Variants in DAB1 observed in about 807,000 individuals in gnomAD.
The protein encoded by DAB1 is DAB adaptor protein 1.
Under a neutral mutation model 64.6 loss-of-function variants are expected in DAB1, and 15 were observed. The observed-to-expected ratio is 0.23, with a 90% confidence interval of 0.16 to 0.36. DAB1 has a LOEUF of 0.36. DAB1 is among the 10% of genes least tolerant of loss of function. The probability of loss-of-function intolerance (pLI) is 1.00; values close to 1 mark genes in which losing one functional copy is unlikely to be tolerated. For synonymous variants in DAB1, 235 were observed against 251.9 expected, an observed-to-expected ratio of 0.93 and a Z score of 0.64; for missense variants, 596 against 706.7, an observed-to-expected ratio of 0.84 and a Z score of 1.78.
chr1:58,333,032 C>A (rs945871222), intron 4 of DAB1, among the ~76,000 whole-genome samples: 3 of 152,190 alleles, frequency 2.0e-5, no homozygotes, highest in African/African-American at 7.2e-5. Context: ...GCCTCAACCT[C>A]CCAAATAGCT....
intron 1 of DAB1, among the ~76,000 whole-genome samples, chr1:58,537,350 T>C (rs770170039): frequency 6.6e-5 from 10 of 152,186 alleles, no homozygotes; most frequent in Non-Finnish European, 1.3e-4. Flanking sequence ...AATTTGCCAG[T>C]GATTCCACAA....
At chr1:57,032,986 G>A (rs1172436941) in intron 9 of DAB1, among the ~76,000 whole-genome samples, 3 of 152,078 alleles carry the variant, frequency 2.0e-5, no homozygotes, top group Admixed American at 1.3e-4. Context: ...TAAGCTAGGC[G>A]AGGCTCTACT....
chr1:58,113,447 A>T (rs1000439267), intron 5 of DAB1, among the ~76,000 whole-genome samples: 2 of 152,158 alleles, frequency 1.3e-5, no homozygotes, highest in Non-Finnish European at 2.9e-5. Flanking sequence ...GATTCCTCCA[A>T]GTTCCAGCTT....
chr1:57,962,873 C>CA lies in DAB1; in HGVS notation n.388-78712dup, dbSNP rs1247473806. On this transcript the variant is annotated intron_variant and non_coding_transcript_variant, in intron 5 of 20. Transcript: ENST00000485760. ...CTGGCAACAGAGTGAGATCCTGTCT[C>CA]AAAAAAAAAACAAAACAAAAAAAAA... Among the ~76,000 whole-genome samples, 1,078 of 127,082 alleles carry CA rather than the reference C, an allele frequency of 8.5e-3. 11 individuals are homozygous for CA. The highest frequency in any genetic ancestry group is 0.025 in the African/African-American group (852 of 33,488). 83.4% of individuals were successfully genotyped at this position (127,082 alleles called of 152,430 possible).
rs758490074 is a variant in DAB1 at position 57,291,036 on chromosome 1, T to C, written c.-6A>G. On this transcript the variant is annotated 5_prime_UTR_variant, in exon 2 of 15. Coordinates refer to ENST00000371236, the MANE Select transcript of DAB1 (RefSeq NM_001365792.1). ...AGTTCTGTCTCAGTTGACATCCTAC[T>C]TAATCCTTAGTCCACTTCACACAGA... is the stretch of plus-strand genomic sequence containing the variant. The C allele has an allele frequency of 1.2e-6, 2 of 1,609,020 alleles. No individual in the cohort carries two copies. Among genetic ancestry groups the C allele is most frequent in the Non-Finnish European group, 1.7e-6 (2 of 1,177,218 alleles).
chr1:57,225,790 T>C (rs1313316118), intron 2 of DAB1, among the ~76,000 whole-genome samples: 1 of 152,216 alleles, frequency 6.6e-6, no homozygotes, highest in Non-Finnish European at 1.5e-5. Flanking sequence ...ATTTTAGACA[T>C]TACCATGGAG....
At chr1:57,661,007 T>A (rs891755864) in intron 6 of DAB1, among the ~76,000 whole-genome samples, 1 of 151,098 alleles carries the variant, frequency 6.6e-6, no homozygotes, top group East Asian at 1.9e-4. Context: ...AAAAGTAAGA[T>A]ACAAACGAAT....
At chr1:58,148,414 G>T (rs1393758429) in intron 5 of DAB1, among the ~76,000 whole-genome samples, 1 of 152,186 alleles carries the variant, frequency 6.6e-6, no homozygotes, top group Non-Finnish European at 1.5e-5. Flanking sequence ...TCTTTACTGT[G>T]ACCTGAAAGA....
At chr1:57,195,039 T>C (rs1311690744) in intron 2 of DAB1, among the ~76,000 whole-genome samples, 2 of 152,230 alleles carry the variant, frequency 1.3e-5, no homozygotes, top group East Asian at 3.8e-4. Context: ...GATTAATGAA[T>C]GGAAAATGAG....
intron 1 of DAB1, among the ~76,000 whole-genome samples, chr1:57,314,252 T>C (rs1674992427): frequency 6.6e-6 from 1 of 152,218 alleles, no homozygotes; most frequent in Non-Finnish European, 1.5e-5. Flanking sequence ...AGGAAACATT[T>C]TCCCACCAAG....
At chr1:57,717,045 G>A (rs1055565299) in intron 6 of DAB1, among the ~76,000 whole-genome samples, 1 of 151,780 alleles carries the variant, frequency 6.6e-6, no homozygotes, top group South Asian at 2.1e-4. Flanking sequence ...TCAAGACCAG[G>A]CTGGTCAACA....
At chr1:58,110,833 T>C (rs990411165) in intron 5 of DAB1, among the ~76,000 whole-genome samples, 2 of 152,208 alleles carry the variant, frequency 1.3e-5, no homozygotes, top group African/African-American at 4.8e-5. Context: ...TATAGCCCAT[T>C]ATTATTTAGG....
chr1:57,474,146 C>T (rs1043555772), intron 7 of DAB1, among the ~76,000 whole-genome samples: 15 of 151,838 alleles, frequency 9.9e-5, no homozygotes, highest in Non-Finnish European at 1.5e-4. Context: ...ATTATAATAC[C>T]GAATATATGA....
intron 6 of DAB1, among the ~76,000 whole-genome samples, chr1:57,764,868 T>C (rs1649241334): frequency 6.6e-6 from 1 of 152,142 alleles, no homozygotes; most frequent in African/African-American, 2.4e-5. Context: ...AAAAGAAGAC[T>C]GAGATAAATT....
chr1:57,032,325 C>T (rs989292892), intron 9 of DAB1, among the ~76,000 whole-genome samples: 1 of 152,160 alleles, frequency 6.6e-6, no homozygotes. Context: ...AGGCACATTC[C>T]TGTTCCTATT....
intron 5 of DAB1, among the ~76,000 whole-genome samples, chr1:58,145,082 T>C (rs1457458038): frequency 6.6e-6 from 1 of 152,246 alleles, no homozygotes; most frequent in Non-Finnish European, 1.5e-5. Context: ...GGAAACCTTT[T>C]GTACTTGCTA....
rs114093881 is a variant in DAB1, at chr1:57,846,940, G to C, written n.88-20485C>G. On this transcript the variant is annotated intron_variant and non_coding_transcript_variant, in intron 1 of 1. Coordinates refer to the DAB1 transcript ENST00000477280. ...GCCTACTTAAGAATCTGTCTGGTTTGGGAAATGGTTGGTAGTGTGACATGC... is the reference window on the plus strand; with the variant it reads ...GCCTACTTAAGAATCTGTCTGGTTTCGGAAATGGTTGGTAGTGTGACATGC... Among the ~76,000 whole-genome samples, 576 of 152,316 alleles carry C rather than the reference G, an allele frequency of 3.8e-3. 2 individuals carry two copies. The highest frequency in any genetic ancestry group is 9.0e-3 in the Admixed American group (138 of 15,298).
At chr1:57,515,137 A>C (rs570438299) in intron 7 of DAB1, among the ~76,000 whole-genome samples, 2 of 152,204 alleles carry the variant, frequency 1.3e-5, no homozygotes, top group Non-Finnish European at 2.9e-5. Flanking sequence ...AGAAAAGAAA[A>C]GAAAAGAAAG....
chr1:57,720,971 A>C (rs1222099317), intron 6 of DAB1, among the ~76,000 whole-genome samples: 1 of 152,212 alleles, frequency 6.6e-6, no homozygotes, highest in African/African-American at 2.4e-5. Flanking sequence ...TCTCCCTTAA[A>C]GGGAGAGAAA....
Sources: gnomAD v4.1 joint callset for allele counts (sites outside exome capture counted in the v4.1 genomes callset) on GRCh38, gnomAD v4.1.1 for gene constraint, MANE v1.5 for transcripts, NCBI Gene and HGNC (gene_info 2026-07-23, HGNC 2026-07-21) for gene names.